The following ANKRD31 variants were observed in gnomAD, a reference collection of about 807,000 sequenced individuals.
ANKRD31 encodes the protein ankyrin repeat domain 31.
Under a neutral mutation model 186.0 loss-of-function variants are expected in ANKRD31, and 147 were observed. That is an observed-to-expected ratio of 0.79 (90% CI 0.69 to 0.91). The LOEUF (loss-of-function observed/expected upper bound fraction) is 0.91. ANKRD31 is among the 40% of genes least tolerant of loss of function. The pLI, the probability that ANKRD31 is intolerant of heterozygous loss-of-function variation, is 0.00. For missense variants in ANKRD31, 1,986 were observed against 2,148.8 expected (o/e 0.92, Z 1.50); for synonymous variants, 673 against 736.4 (o/e 0.91, Z 1.39).
intron 17 of ANKRD31, among the ~76,000 whole-genome samples, chr5:75,131,517 C>G (rs909144130): frequency 6.6e-6 from 1 of 152,154 alleles, no homozygotes; most frequent in Non-Finnish European, 1.5e-5. Flanking sequence ...CGGGGAGGCT[C>G]AAAATTGGTG....
chr5:75,080,283 T>G (rs1333454061), intron 25 of ANKRD31, among the ~76,000 whole-genome samples: 1 of 152,208 alleles, frequency 6.6e-6, no homozygotes, highest in Non-Finnish European at 1.5e-5. Context: ...ATCACGTTCA[T>G]GCTTTCATTT....
intron 9 of ANKRD31, 96 bp from the exon 10 acceptor site, chr5:75,188,744 G>T (rs1029654220): frequency 4.7e-6 from 5 of 1,056,824 alleles, no homozygotes; most frequent in African/African-American, 3.2e-5. Context: ...CAAACTTCAC[G>T]AACATAGGTA....
intron 23 of ANKRD31, among the ~76,000 whole-genome samples, chr5:75,087,672 A>T (rs1319380363): frequency 2.0e-5 from 3 of 151,938 alleles, no homozygotes; most frequent in Non-Finnish European, 4.4e-5. Context: ...TGGAAAAAGC[A>T]AAGAAACCAA....
chr5:75,114,507 T>C (rs1735892454), intron 19 of ANKRD31, among the ~76,000 whole-genome samples: 1 of 152,152 alleles, frequency 6.6e-6, no homozygotes, highest in Non-Finnish European at 1.5e-5. Context: ...TCCTGAGACT[T>C]TGCTGAAGTT....
At chr5:75,123,858 T>C (rs1428690802) in intron 17 of ANKRD31, among the ~76,000 whole-genome samples, 1 of 152,106 alleles carries the variant, frequency 6.6e-6, no homozygotes, top group Non-Finnish European at 1.5e-5. Context: ...AAAACTCTTC[T>C]TGACATTTGT....
rs1469094116 is a variant in ANKRD31, at chr5:75,146,090, A to T, written c.3321T>A (p.Thr1107=). 1.1e-5 allele frequency: 17 copies of T among 1,535,282 alleles called. No individual in the cohort carries two copies. Among genetic ancestry groups the T allele is most frequent in the Non-Finnish European group, 1.5e-5 (17 of 1,145,756 alleles). ...KRRQNHLESE[T]IHNIDSHSTD... The stretch of plus-strand genomic sequence containing the variant: ...TGGAATGAGAATCTATATTGTGTAT[A>T]GTCTCACTTTCTAGATGGTTTTGTC... The change falls in exon 14 of 26, where the codon ACT becomes ACA. Residue 1107 remains threonine (T), a synonymous_variant. Transcript: ENST00000506364.
intron 17 of ANKRD31, among the ~76,000 whole-genome samples, chr5:75,132,774 G>A (rs912029787): frequency 5.3e-5 from 8 of 152,080 alleles, no homozygotes; most frequent in East Asian, 1.9e-4. Flanking sequence ...GAGAAAGGTC[G>A]AGTTACCCAC....
chr5:75,196,269 T>A, intron 6 of ANKRD31, 69 bp from the exon 7 acceptor site: 2 of 1,185,934 alleles, frequency 1.7e-6, no homozygotes, highest in Non-Finnish European at 2.2e-6. Context: ...GAAAACTTTA[T>A]AGTTTTATAG....
intron 20 of ANKRD31, among the ~76,000 whole-genome samples, chr5:75,109,215 C>T (rs1363535953): frequency 2.6e-5 from 4 of 152,054 alleles, no homozygotes; most frequent in Non-Finnish European, 4.4e-5. Context: ...ATGAATTATG[C>T]ATTAAAATAC....
intron 7 of ANKRD31, among the ~76,000 whole-genome samples, chr5:75,194,584 G>A (rs909719192): frequency 4.6e-5 from 7 of 151,752 alleles, no homozygotes; most frequent in Admixed American, 1.3e-4. Context: ...TTTGGTAATC[G>A]GAAGATAAAA....
intron 9 of ANKRD31, among the ~76,000 whole-genome samples, 166 bp downstream of exon 9, chr5:75,192,501 A>G (rs528798798): frequency 6.6e-6 from 1 of 152,288 alleles, no homozygotes; most frequent in African/African-American, 2.4e-5. Context: ...TCAATTCTCA[A>G]TTATGCTAAT....
chr5:75,107,458 C>A (rs1408742498), intron 21 of ANKRD31, 63 bp downstream of exon 21: 1 of 1,111,892 alleles, frequency 9.0e-7, no homozygotes, highest in Non-Finnish European at 1.3e-6. Flanking sequence ...ACAACTATTG[C>A]AGCTAAAAAT....
At chr5:75,233,089 G>A (rs1758051172) in intron 1 of ANKRD31, among the ~76,000 whole-genome samples, 1 of 148,538 alleles carries the variant, frequency 6.7e-6, no homozygotes, top group African/African-American at 2.5e-5. Flanking sequence ...TGAGATGGGA[G>A]TCTTGCTGTG....
At chr5:75,131,355 A>G (rs1749810357) in intron 17 of ANKRD31, among the ~76,000 whole-genome samples, 1 of 152,094 alleles carries the variant, frequency 6.6e-6, no homozygotes, top group Admixed American at 6.5e-5. Flanking sequence ...GCACACCAGG[A>G]GATTATATCC....
At chr5:75,232,487 C>T (rs1455694905) in intron 1 of ANKRD31, among the ~76,000 whole-genome samples, 1 of 152,058 alleles carries the variant, frequency 6.6e-6, no homozygotes. Context: ...TAGTCTCGAA[C>T]TCCTGACCTT....
chr5:75,110,227 C>T (rs1747659942), intron 20 of ANKRD31, among the ~76,000 whole-genome samples: 1 of 152,060 alleles, frequency 6.6e-6, no homozygotes, highest in South Asian at 2.1e-4. Context: ...TTTTACTCTA[C>T]AGAATTTGTA....
chr5:75,134,061 C>G (rs1436409813), intron 17 of ANKRD31, among the ~76,000 whole-genome samples: 1 of 151,910 alleles, frequency 6.6e-6, no homozygotes, highest in East Asian at 1.9e-4. Context: ...CAAGAGAAAG[C>G]TGGAAAGATC....
Position 75,151,776 on chromosome 5 carries a change from T to C in ANKRD31, c.1852+2425A>G, listed in dbSNP as rs78300768. On this transcript the variant is annotated intron_variant, in intron 12 of 25. Coordinates refer to ENST00000506364, the MANE Select transcript of ANKRD31 (RefSeq NM_001372053.1). Reference sequence around the variant, plus strand: ...GTTGACACTTAATCATTAACCAAGATAGATATGTAATATCTGTCCTGTTAT... The same window carrying C: ...GTTGACACTTAATCATTAACCAAGACAGATATGTAATATCTGTCCTGTTAT... Among the ~76,000 whole-genome samples, 365 of 152,182 alleles carry C rather than the reference T, an allele frequency of 2.4e-3. 8 individuals carry two copies. In the East Asian group the frequency reaches 0.061, roughly 25 times the overall value.
At chr5:75,097,773 G>A (rs754202924) in intron 22 of ANKRD31, among the ~76,000 whole-genome samples, 25 of 152,106 alleles carry the variant, frequency 1.6e-4, no homozygotes, top group Non-Finnish European at 3.7e-4. Context: ...TTTTCTTCTA[G>A]GGTTTTTATG....
Sources: allele counts gnomAD v4.1 joint callset (sites outside exome capture counted in the v4.1 genomes callset), GRCh38; gene constraint gnomAD v4.1.1; transcripts MANE v1.5; gene names NCBI Gene and HGNC (gene_info 2026-07-23, HGNC 2026-07-21).